Variants in SNRK observed in about 807,000 individuals in gnomAD.
SNRK encodes SNF related kinase, also known as SNF-related serine/threonine-protein kinase.
In SNRK, 3 loss-of-function variants were observed where a neutral mutation model predicts 48.2. The observed-to-expected ratio is 0.06, with a 90% CI of 0.03 to 0.16. SNRK has a LOEUF of 0.16. SNRK is among the 10% of genes least tolerant of loss of function. The probability of loss-of-function intolerance (pLI) is 1.00; values close to 1 mark genes in which losing one functional copy is unlikely to be tolerated. For missense variants in SNRK, 627 were observed against 976.0 expected (o/e 0.64, Z 4.76); for synonymous variants, 376 against 366.1 (o/e 1.03, Z -0.31).
intron 1 of SNRK, among the ~76,000 whole-genome samples, chr3:43,298,427 A>T (rs577498517): frequency 6.6e-6 from 1 of 152,298 alleles, no homozygotes; most frequent in Non-Finnish European, 1.5e-5. Context: ...CCCAGGGTTC[A>T]TCTGTCACTA....
intron 4 of SNRK, among the ~76,000 whole-genome samples, chr3:43,339,791 G>A (rs1449878426): frequency 7.7e-6 from 1 of 130,108 alleles, no homozygotes; most frequent in East Asian, 2.4e-4. Flanking sequence ...ACTCCAGCTT[G>A]GCAATGGAGT....
At chr3:43,337,203 A>T (rs1309414495) in intron 4 of SNRK, among the ~76,000 whole-genome samples, 2 of 151,654 alleles carry the variant, frequency 1.3e-5, no homozygotes, top group Admixed American at 1.3e-4. Context: ...CCTCTGGAGT[A>T]GCTGGGATTA....
intron 3 of SNRK, among the ~76,000 whole-genome samples, chr3:43,325,321 G>A (rs566936271): frequency 5.4e-4 from 82 of 152,138 alleles, no homozygotes; most frequent in African/African-American, 2.0e-3. Flanking sequence ...GCCCGCCACC[G>A]CGCCCGGCTA....
At chr3:43,314,046 A>G (rs762535086) in intron 3 of SNRK, among the ~76,000 whole-genome samples, 2 of 152,230 alleles carry the variant, frequency 1.3e-5, no homozygotes, top group South Asian at 2.1e-4. Context: ...ATTCTAACAA[A>G]TATCAGTCTT....
chr3:43,287,339 A>G (rs1202555003), intron 1 of SNRK, among the ~76,000 whole-genome samples: 2 of 152,128 alleles, frequency 1.3e-5, no homozygotes, highest in Non-Finnish European at 2.9e-5. Flanking sequence ...TCCATTTTAC[A>G]GGGACCTTCC....
intron 6 of SNRK, 37 bp downstream of exon 6, chr3:43,343,515 A>G: frequency 1.3e-6 from 2 of 1,595,520 alleles, no homozygotes; most frequent in Non-Finnish European, 1.7e-6. Flanking sequence ...AGTAAGTTTA[A>G]CGTTTTGAAA....
At chr3:43,338,017 T>C (rs1156478340) in intron 4 of SNRK, among the ~76,000 whole-genome samples, 1 of 152,238 alleles carries the variant, frequency 6.6e-6, no homozygotes, top group East Asian at 1.9e-4. Flanking sequence ...TCCAAAGTGC[T>C]GCGATGACGG....
Position 43,348,823 on chromosome 3 carries a change from A to G in SNRK, c.*266A>G, listed in dbSNP as rs1421078335. On this transcript the variant is annotated 3_prime_UTR_variant, in exon 7 of 7. Transcript: ENST00000296088. ...TGATCAGGATTAAATCAAGATATAT[A>G]TCTGGAACCTCTTATAAATGGAGCA... The G allele has an allele frequency of 3.1e-6, 1 of 325,122 alleles. No homozygotes were observed. The highest frequency in any genetic ancestry group is 2.1e-5 in the African/African-American group (1 of 47,030). 20.1% of individuals were successfully genotyped at this position (325,122 alleles called of 1,614,324 possible).
In SNRK at chr3:43,336,150, T is replaced by C. The variant is rs143659104; in HGVS notation, c.731+3840T>C. Reference sequence around the variant, plus strand: ...TTCTTTTTACCCCATTCTTTGGAGTTGATGGAGGATTCCTTTCCTTTCCCT... The same window carrying C: ...TTCTTTTTACCCCATTCTTTGGAGTCGATGGAGGATTCCTTTCCTTTCCCT... On this transcript the variant is annotated intron_variant, in intron 4 of 6. Coordinates refer to ENST00000296088, the MANE Select transcript of SNRK (RefSeq NM_017719.5). Among the ~76,000 whole-genome samples, 579 of 152,184 alleles carry C rather than the reference T, an allele frequency of 3.8e-3. 2 individuals carry two copies. Among genetic ancestry groups the C allele is most frequent in the African/African-American group, 0.013 (556 of 41,518 alleles).
chr3:43,291,383 CAG>C (rs2090811297), intron 1 of SNRK, among the ~76,000 whole-genome samples: 1 of 152,154 alleles, frequency 6.6e-6, no homozygotes, highest in South Asian at 2.1e-4. Flanking sequence ...TAAGTTGAGA[CAG>C]AGACCTTCCT....
chr3:43,301,563 C>G (rs898831234), intron 2 of SNRK, among the ~76,000 whole-genome samples: 18 of 151,946 alleles, frequency 1.2e-4, no homozygotes, highest in Admixed American at 2.6e-4. Flanking sequence ...GCCAAGAGTT[C>G]AAGACCAGCC....
At chr3:43,295,150 T>C (rs1262628494) in intron 1 of SNRK, among the ~76,000 whole-genome samples, 1 of 152,250 alleles carries the variant, frequency 6.6e-6, no homozygotes, top group Non-Finnish European at 1.5e-5. Flanking sequence ...CCAGGTCTTG[T>C]GGCTTGGATG....
At chr3:43,326,514 A>G (rs917023686) in intron 3 of SNRK, among the ~76,000 whole-genome samples, 7 of 152,268 alleles carry the variant, frequency 4.6e-5, no homozygotes, top group Admixed American at 2.0e-4. Context: ...GGGAAATAGA[A>G]TATCTGTAAT....
intron 5 of SNRK, among the ~76,000 whole-genome samples, chr3:43,341,146 TTTTG>T (rs1316885049): frequency 2.6e-5 from 4 of 151,940 alleles, no homozygotes; most frequent in Non-Finnish European, 4.4e-5. Flanking sequence ...CCAGTTGTTT[TTTTG>T]TTTTTGTTTT....
At chr3:43,309,315 A>T (rs977300251) in intron 3 of SNRK, among the ~76,000 whole-genome samples, 1 of 152,186 alleles carries the variant, frequency 6.6e-6, no homozygotes, top group Non-Finnish European at 1.5e-5. Context: ...TAAGTTTGAT[A>T]AAGCAGTGGC....
chr3:43,289,433 T>C (rs1366599558), intron 1 of SNRK, among the ~76,000 whole-genome samples: 2 of 152,126 alleles, frequency 1.3e-5, no homozygotes, highest in Non-Finnish European at 2.9e-5. Flanking sequence ...GGGCAGTTGC[T>C]TTGGGGGATG....
At chr3:43,332,570 T>C (rs1389854038) in intron 4 of SNRK, 1 of 256,540 alleles carries the variant, frequency 3.9e-6, no homozygotes, top group Non-Finnish European at 7.3e-6. Context: ...TCAAGAAATC[T>C]ATTACATGCC....
At chr3:43,291,028 T>C (rs2090808099) in intron 1 of SNRK, among the ~76,000 whole-genome samples, 1 of 152,068 alleles carries the variant, frequency 6.6e-6, no homozygotes, top group African/African-American at 2.4e-5. Context: ...TGTATGTGCA[T>C]GGAGTTGGGG....
intron 1 of SNRK, among the ~76,000 whole-genome samples, chr3:43,288,256 TAATCAGTTTTTAA>T (rs2090781611): frequency 6.6e-6 from 1 of 152,204 alleles, no homozygotes; most frequent in Non-Finnish European, 1.5e-5. Flanking sequence ...TAAATTTGTA[TAATCAGTTTTTAA>T]TTGTTCATTT....
Sources: allele counts gnomAD v4.1 joint callset (sites outside exome capture counted in the v4.1 genomes callset), GRCh38; gene constraint gnomAD v4.1.1; transcripts MANE v1.5; gene names NCBI Gene and HGNC (gene_info 2026-07-23, HGNC 2026-07-21).